PILRA: variants seen among roughly 807,000 people sequenced by gnomAD.
The protein encoded by PILRA is paired immunoglobulin-like type 2 receptor alpha.
PILRA carries 37 observed loss-of-function variants against 33.1 expected under a neutral mutation model. That is an observed-to-expected ratio of 1.12 (90% CI 0.86 to 1.47). PILRA has a LOEUF of 1.47. PILRA is among the 40% of genes most tolerant of loss of function. The pLI is 0.00. For synonymous variants in PILRA, 146 were observed against 149.9 expected (o/e 0.97, Z 0.19); for missense variants, 312 against 376.2 (o/e 0.83, Z 1.41).
Position 100,373,518 on chromosome 7 carries a change from C to G in PILRA, c.-139C>G, listed in dbSNP as rs1790863587. On this transcript the variant is annotated 5_prime_UTR_variant, in exon 1 of 7. Transcript: ENST00000198536. ...GAGGTGCACTGGTTTGGGGAAGGCT[C>G]CTGGCCCCCACAGCCCTCTTCGGAG... The G allele has an allele frequency of 1.1e-6, 1 of 900,866 alleles. No homozygotes were observed. Among genetic ancestry groups the G allele is most frequent in the African/African-American group, 1.6e-5 (1 of 60,938 alleles). 55.8% of individuals were successfully genotyped at this position (900,866 alleles called of 1,614,324 possible).
chr7:100,372,058 G>A (rs1563113200), upstream of PILRA, among the ~76,000 whole-genome samples: 1 of 152,136 alleles, frequency 6.6e-6, no homozygotes, highest in Admixed American at 6.5e-5. Context: ...CAGGTGGGGC[G>A]GGCCACCCTC....
At chr7:100,383,362 A>G (rs1791163894) in intron 2 of PILRA, among the ~76,000 whole-genome samples, 2 of 152,190 alleles carry the variant, frequency 1.3e-5, no homozygotes, top group Admixed American at 6.5e-5. Context: ...GGCACAACGC[A>G]GGGATAGAAG....
At chr7:100,390,147 T>TG (rs1791357093) in intron 3 of PILRA, 41 bp downstream of exon 3, 1 of 1,568,000 alleles carries the variant, frequency 6.4e-7, no homozygotes, top group South Asian at 1.1e-5. Flanking sequence ...GCCTCCCATC[T>TG]GGGGGTTTCT....
chr7:100,374,592 C>G (rs148891131), intron 2 of PILRA, 159 bp downstream of exon 2: 1 of 780,832 alleles, frequency 1.3e-6, no homozygotes, highest in Non-Finnish European at 2.1e-6. Context: ...CCACCTCTCC[C>G]CTTTTCTCTT....
chr7:100,373,389 A>C, upstream of PILRA: 1 of 569,386 alleles, frequency 1.8e-6, no homozygotes. Flanking sequence ...GAGGACGGGG[A>C]CCGCGGCCTT....
intron 3 of PILRA, among the ~76,000 whole-genome samples, chr7:100,396,983 T>G (rs1456343741): frequency 2.0e-5 from 3 of 151,942 alleles, no homozygotes; most frequent in African/African-American, 4.8e-5. Context: ...TTGTTTGTTT[T>G]TTTGTTTTTT....
At chr7:100,378,780 A>G (rs1475734784) in intron 2 of PILRA, among the ~76,000 whole-genome samples, 2 of 152,180 alleles carry the variant, frequency 1.3e-5, no homozygotes, top group Non-Finnish European at 2.9e-5. Flanking sequence ...TGAATCCTTA[A>G]TAATTGTCAT....
chr7:100,392,351 G>C (rs75014492), intron 3 of PILRA, among the ~76,000 whole-genome samples: 1 of 152,158 alleles, frequency 6.6e-6, no homozygotes, highest in African/African-American at 2.4e-5. Flanking sequence ...GCATGGGGTT[G>C]GGGCTGCCTG....
At chr7:100,378,738 T>G (rs1393796322) in intron 2 of PILRA, among the ~76,000 whole-genome samples, 1 of 151,910 alleles carries the variant, frequency 6.6e-6, no homozygotes, top group Non-Finnish European at 1.5e-5. Context: ...ACCCTCCATA[T>G]TTCCTCGTTA....
At chr7:100,372,634 C>T (rs546399568), upstream of PILRA, among the ~76,000 whole-genome samples, 3 of 152,180 alleles carry the variant, frequency 2.0e-5, no homozygotes, top group Admixed American at 6.5e-5. Context: ...CCTTCACTTT[C>T]TTCTGTGTCC....
At chr7:100,376,728 C>A (rs1037723427) in intron 2 of PILRA, among the ~76,000 whole-genome samples, 1 of 136,806 alleles carries the variant, frequency 7.3e-6, no homozygotes, top group African/African-American at 2.8e-5. Flanking sequence ...TCCCAAAGTG[C>A]TGGGATTACA....
rs1791231498 is a variant in PILRA, at chr7:100,385,380, AT to A, written c.455-4507del. 3.3e-5 allele frequency among the ~76,000 whole-genome samples: 5 copies of A among 152,320 alleles called. No homozygotes were observed. The South Asian group carries it at 1.0e-3, about 32-fold the overall frequency. The stretch of plus-strand genomic sequence containing the variant: ...GAAAAAGTGTTAAATTTAAAAACTA[AT>A]AAAAGTACTGGTAATACTTACACAT... On this transcript the variant is annotated intron_variant, in intron 2 of 6. Coordinates refer to ENST00000198536, the MANE Select transcript of PILRA (RefSeq NM_013439.3).
At chr7:100,390,237 G>C in intron 3 of PILRA, 131 bp downstream of exon 3, 2 of 758,460 alleles carry the variant, frequency 2.6e-6, no homozygotes, top group Non-Finnish European at 4.4e-6. Flanking sequence ...GGCCGACTTC[G>C]TGGCCTATGC....
chr7:100,389,607 A>G (rs1228689893), intron 2 of PILRA, among the ~76,000 whole-genome samples: 4 of 151,326 alleles, frequency 2.6e-5, no homozygotes, highest in African/African-American at 9.7e-5. Flanking sequence ...GGAAGGAAGA[A>G]AGGAATGAAG....
At chr7:100,391,518 A>G (rs1791390338) in intron 3 of PILRA, among the ~76,000 whole-genome samples, 1 of 152,002 alleles carries the variant, frequency 6.6e-6, no homozygotes, top group Non-Finnish European at 1.5e-5. Flanking sequence ...AAAACCCCGT[A>G]TCTACAGAAA....
At chr7:100,390,604 T>C (rs1373618246) in intron 3 of PILRA, among the ~76,000 whole-genome samples, 3 of 152,178 alleles carry the variant, frequency 2.0e-5, no homozygotes, top group African/African-American at 7.2e-5. Flanking sequence ...AATTGCTTCA[T>C]TGAGAAAGAA....
chr7:100,380,980 C>G (rs948716946), intron 2 of PILRA, among the ~76,000 whole-genome samples: 2 of 149,118 alleles, frequency 1.3e-5, no homozygotes, highest in Non-Finnish European at 3.0e-5. Flanking sequence ...CCAAAAAAAA[C>G]AAAAACAAAA....
intron 2 of PILRA, among the ~76,000 whole-genome samples, chr7:100,382,671 C>T (rs144993904): frequency 2.4e-4 from 37 of 152,334 alleles, no homozygotes; most frequent in South Asian, 1.7e-3. Context: ...TGAGCAGTAT[C>T]AACTGGCTCT....
intron 2 of PILRA, among the ~76,000 whole-genome samples, chr7:100,377,231 C>CTTT (rs761225046): frequency 1.6e-4 from 16 of 100,928 alleles, no homozygotes; most frequent in East Asian, 2.8e-4. Context: ...TTTTCTATTT[C>CTTT]TTTTTTTTTT....
Sources: gnomAD v4.1 joint callset for allele counts (sites outside exome capture counted in the v4.1 genomes callset) on GRCh38, gnomAD v4.1.1 for gene constraint, MANE v1.5 for transcripts, NCBI Gene and HGNC (gene_info 2026-07-23, HGNC 2026-07-21) for gene names.